MACROH2A1: variants seen among roughly 807,000 people sequenced by gnomAD.
MACROH2A1 encodes macroH2A.1 histone.
In MACROH2A1, 2 loss-of-function variants were observed where a neutral mutation model predicts 31.6. The ratio of observed to expected loss-of-function variants is 0.06; its 90% CI spans 0.03 to 0.20. The LOEUF (loss-of-function observed/expected upper bound fraction) is 0.20, where lower values mean the gene tolerates loss of function less well. Ranked by LOEUF, MACROH2A1 falls within the 10% of genes least tolerant of loss-of-function variation. The probability of loss-of-function intolerance (pLI) is 1.00; values close to 1 mark genes in which losing one functional copy is unlikely to be tolerated. For missense variants in MACROH2A1, 230 were observed against 474.0 expected, an observed-to-expected ratio of 0.49 and a Z score of 4.78; for synonymous variants, 169 against 189.6, an observed-to-expected ratio of 0.89 and a Z score of 0.89.
At position 135,389,136 on chromosome 5, in the gene MACROH2A1, CGA is replaced by C. The variant is rs1561668520; in HGVS notation, c.-33-12_-33-11del. ...CGGATCAGTGAGCACACTGTGAAGG[CGA>C]GAGGCACACCGGTCAGGGTGGCTGG... On this transcript the variant is annotated splice_polypyrimidine_tract_variant and intron_variant, in intron 1 of 8. Coordinates refer to ENST00000511689, the MANE Select transcript of MACROH2A1 (RefSeq NM_138610.3). The C allele has an allele frequency of 6.3e-7, 1 of 1,584,602 alleles. No individual in the cohort carries two copies. Among genetic ancestry groups the C allele is most frequent in the East Asian group, 2.3e-5 (1 of 44,386 alleles).
intron 2 of MACROH2A1, among the ~76,000 whole-genome samples, chr5:135,370,732 CAAAAGGTGA>C (rs769778729): frequency 6.6e-6 from 1 of 152,072 alleles, no homozygotes; most frequent in Non-Finnish European, 1.5e-5. Flanking sequence ...GTTGTAGATT[CAAAAGGTGA>C]AAAAGATGTA....
intron 2 of MACROH2A1, among the ~76,000 whole-genome samples, chr5:135,371,504 C>G (rs1032441317): frequency 1.3e-5 from 2 of 152,198 alleles, no homozygotes; most frequent in African/African-American, 4.8e-5. Flanking sequence ...AGCTGATTTA[C>G]CTGCCATCTG....
At chr5:135,390,493 G>T (rs1167640452) in intron 1 of MACROH2A1, among the ~76,000 whole-genome samples, 1 of 152,226 alleles carries the variant, frequency 6.6e-6, no homozygotes, top group Non-Finnish European at 1.5e-5. Flanking sequence ...TCATTTAAAA[G>T]ATAAACGTAA....
At chr5:135,358,193 A>G in intron 5 of MACROH2A1, 19 of 985,380 alleles carry the variant, frequency 1.9e-5, no homozygotes, top group Non-Finnish European at 2.3e-5. Context: ...AATAGCCAAT[A>G]AAAAGCCAGA....
chr5:135,384,174 G>GT (rs1270210892), intron 2 of MACROH2A1, among the ~76,000 whole-genome samples: 1 of 152,194 alleles, frequency 6.6e-6, no homozygotes, highest in Non-Finnish European at 1.5e-5. Flanking sequence ...GCTGAAATGA[G>GT]TATCAGTGTA....
chr5:135,337,576 A>G (rs1231779667), intron 8 of MACROH2A1, among the ~76,000 whole-genome samples: 1 of 152,254 alleles, frequency 6.6e-6, no homozygotes, highest in Admixed American at 6.5e-5. Flanking sequence ...ATAGTTCTCA[A>G]GCTTTAGCCT....
At position 135,350,828 on chromosome 5, in the gene MACROH2A1, TCAC is replaced by T. The variant is rs769656486; in HGVS notation, c.688+2115_688+2117del. 1.9e-6 allele frequency: 3 copies of T among 1,606,892 alleles called. No individual in the cohort carries two copies. In the South Asian group the frequency reaches 3.3e-5, roughly 18 times the overall value. On this transcript the variant is annotated intron_variant, in intron 6 of 8. Transcript: ENST00000511689. ...AGCACCCGGCTAGGCATTACCTACT[TCAC>T]CACCGATGTAGAAGTCAGTGTTTGT...
chr5:135,378,502 G>C (rs1046855612), intron 2 of MACROH2A1, among the ~76,000 whole-genome samples: 29 of 152,350 alleles, frequency 1.9e-4, no homozygotes, highest in Non-Finnish European at 3.2e-4. Flanking sequence ...TGCAGAGTCT[G>C]TCCCCTCAGG....
chr5:135,392,845 T>A (rs1373805673), intron 1 of MACROH2A1, among the ~76,000 whole-genome samples: 2 of 152,190 alleles, frequency 1.3e-5, no homozygotes, highest in Non-Finnish European at 2.9e-5. Flanking sequence ...CTGAACCTAT[T>A]TTCTTATCTT....
intron 4 of MACROH2A1, among the ~76,000 whole-genome samples, chr5:135,365,494 CCCTCCTGCCTTCTGTAATGAATCTGCA>C (rs1371670534): frequency 3.3e-5 from 5 of 152,172 alleles, no homozygotes; most frequent in Non-Finnish European, 7.4e-5. Flanking sequence ...AGCAGCTACT[CCCTCCTGCCTTCTGTAATGAATCTGCA>C]CCTCCTCCCT....
chr5:135,367,528 A>C (rs2149833988), intron 4 of MACROH2A1, among the ~76,000 whole-genome samples: 1 of 152,354 alleles, frequency 6.6e-6, no homozygotes, highest in Non-Finnish European at 1.5e-5. Context: ...AGTGTTTACT[A>C]AATTGGAAAG....
chr5:135,388,025 T>C (rs1440024977), intron 2 of MACROH2A1, among the ~76,000 whole-genome samples: 2 of 135,318 alleles, frequency 1.5e-5, no homozygotes, highest in African/African-American at 5.6e-5. Context: ...TTTTAAAAAA[T>C]CTGTAAACCA....
chr5:135,360,235 G>A (rs995145740), intron 5 of MACROH2A1: 9 of 509,844 alleles, frequency 1.8e-5, no homozygotes, highest in Non-Finnish European at 3.2e-5. Context: ...CTAACCAAGG[G>A]TCCCCATCTC....
chr5:135,355,234 G>A, intron 5 of MACROH2A1: 1 of 456,062 alleles, frequency 2.2e-6, no homozygotes, highest in South Asian at 1.5e-5. Flanking sequence ...AAGGAAGGGA[G>A]CAGTTGCGAA....
chr5:135,352,676 G>A (rs192344088), intron 6 of MACROH2A1, among the ~76,000 whole-genome samples: 4 of 152,296 alleles, frequency 2.6e-5, no homozygotes, highest in Admixed American at 2.6e-4. Context: ...CAAGTAACCA[G>A]CAGTCAGTTT....
intron 5 of MACROH2A1, chr5:135,357,906 T>C: frequency 1.0e-6 from 1 of 985,054 alleles, no homozygotes; most frequent in South Asian, 4.7e-5. Context: ...AACCATGCCT[T>C]ACAGGGCTGT....
chr5:135,345,923 T>C (rs750731138), intron 7 of MACROH2A1, 45 bp downstream of exon 7: 6 of 1,281,594 alleles, frequency 4.7e-6, no homozygotes, highest in Non-Finnish European at 5.7e-6. Flanking sequence ...TTCCTAATAC[T>C]GCATGTGTCA....
intron 2 of MACROH2A1, among the ~76,000 whole-genome samples, chr5:135,386,685 A>AC (rs1284537790): frequency 2.6e-5 from 4 of 152,180 alleles, no homozygotes; most frequent in African/African-American, 9.7e-5. Flanking sequence ...GCTGATATCC[A>AC]CCTCAGGAGC....
chr5:135,358,421 TC>T, intron 5 of MACROH2A1: 2 of 985,420 alleles, frequency 2.0e-6, no homozygotes, highest in Non-Finnish European at 2.4e-6. Flanking sequence ...GATATGTGAC[TC>T]TTGGATCATA....
Sources: gnomAD v4.1 joint callset for allele counts (sites outside exome capture counted in the v4.1 genomes callset) on GRCh38, gnomAD v4.1.1 for gene constraint, MANE v1.5 for transcripts, NCBI Gene and HGNC (gene_info 2026-07-23, HGNC 2026-07-21) for gene names.